SYT9: variants seen among roughly 807,000 people sequenced by gnomAD.
SYT9 encodes the protein synaptotagmin 9.
In SYT9, 22 loss-of-function variants were observed where a neutral mutation model predicts 48.4. That is an observed-to-expected ratio of 0.45 (90% confidence interval 0.32 to 0.65). The LOEUF (loss-of-function observed/expected upper bound fraction) is 0.65, where lower values mean the gene tolerates loss of function less well. Ranked by LOEUF, SYT9 falls within the 30% of genes least tolerant of loss-of-function variation. The pLI is 0.03. For missense variants in SYT9, 577 were observed against 622.0 expected, an observed-to-expected ratio of 0.93 and a Z score of 0.77; for synonymous variants, 265 against 245.0, an observed-to-expected ratio of 1.08 and a Z score of -0.76.
chr11:7,308,375 A>T (rs1303011015), intron 2 of SYT9, among the ~76,000 whole-genome samples: 1 of 152,152 alleles, frequency 6.6e-6, no homozygotes. Flanking sequence ...ATTAGGGTGC[A>T]CTTGTTCATG....
intron 6 of SYT9, among the ~76,000 whole-genome samples, chr11:7,451,172 A>G (rs996368373): frequency 7.9e-5 from 12 of 152,242 alleles, no homozygotes; most frequent in Non-Finnish European, 1.6e-4. Context: ...CAAAATAACC[A>G]TAATTTCTAA....
In SYT9 at chr11:7,313,473, G is replaced by T. The variant is rs1849178982; in HGVS notation, c.576G>T (p.Leu192Phe). ...NIQQLQKQEQ[L>F]TGIGRIKPEL... ...AGCAGCTTCAAAAACAGGAACAGTT[G>T]ACTGGAATTGGTAGAATTAAACCAG... The change falls in exon 3 of 7, where the codon TTG (leucine) becomes TTT (phenylalanine). Residue 192 changes from leucine (L) to phenylalanine (F), a missense_variant. Physicochemically the swap from Leu to Phe is conservative, Grantham distance 22. Coordinates refer to ENST00000318881, the MANE Select transcript of SYT9 (RefSeq NM_175733.4). 5.0e-6 allele frequency: 8 copies of T among 1,613,998 alleles called. No individual in the cohort carries two copies. The highest frequency in any genetic ancestry group is 1.1e-5 in the South Asian group (1 of 91,030).
chr11:7,306,747 C>A (rs956432637), intron 2 of SYT9, among the ~76,000 whole-genome samples: 1 of 152,180 alleles, frequency 6.6e-6, no homozygotes, highest in South Asian at 2.1e-4. Flanking sequence ...TTCTGTCCCC[C>A]ACTCCTTCCC....
rs143505362 is a variant in SYT9 at position 7,464,266 on chromosome 11, G to A, written c.1468-2526G>A. Among the ~76,000 whole-genome samples, 47 of 152,336 alleles carry A rather than the reference G, an allele frequency of 3.1e-4. No individual in the cohort carries two copies. In the Middle Eastern group the frequency reaches 0.02, roughly 66 times the overall value. On this transcript the variant is annotated intron_variant, in intron 6 of 6. Transcript: ENST00000318881. ...AAACCATAAGTGGGATGTGGCACCTGCTGTATGCTACTAGTTTGGACTAGG... is the reference window on the plus strand; with the variant it reads ...AAACCATAAGTGGGATGTGGCACCTACTGTATGCTACTAGTTTGGACTAGG...
At chr11:7,401,733 A>G (rs1449182411) in intron 3 of SYT9, among the ~76,000 whole-genome samples, 1 of 151,710 alleles carries the variant, frequency 6.6e-6, no homozygotes, top group East Asian at 1.9e-4. Context: ...AGATTTACAG[A>G]CTTCCATTTT....
rs534248612 is a variant in SYT9, at chr11:7,415,429, G to A, written c.1045-613G>A. Among the ~76,000 whole-genome samples the A allele has an allele frequency of 5.3e-5, 8 of 152,216 alleles. No individual in the cohort carries two copies. The South Asian group carries it at 8.3e-4, about 16-fold the overall frequency. ...TGCTGAGCTCTGTGGCATGGGGATC[G>A]CGTGTGGGAGATTGGAGGTATGCAG... On this transcript the variant is annotated intron_variant, in intron 3 of 6. Coordinates refer to ENST00000318881, the MANE Select transcript of SYT9 (RefSeq NM_175733.4).
chr11:7,387,862 C>T (rs1850691109), intron 3 of SYT9, among the ~76,000 whole-genome samples: 1 of 152,078 alleles, frequency 6.6e-6, no homozygotes, highest in Admixed American at 6.6e-5. Context: ...AACGTGAAAA[C>T]ATGTATGTTT....
intron 3 of SYT9, among the ~76,000 whole-genome samples, chr11:7,404,100 TTATTAG>T (rs1410022898): frequency 6.6e-6 from 1 of 152,154 alleles, no homozygotes; most frequent in African/African-American, 2.4e-5. Context: ...AGATATATTT[TTATTAG>T]TATTAGTATG....
chr11:7,414,644 C>G lies in SYT9; in HGVS notation c.1045-1398C>G, dbSNP rs142893280. ...TCATGGCTCCAGGAACCAGCAAAGCCTAGCTTGCAAGGAGAGGTCATTTAT... is the reference window on the plus strand; with the variant it reads ...TCATGGCTCCAGGAACCAGCAAAGCGTAGCTTGCAAGGAGAGGTCATTTAT... On this transcript the variant is annotated intron_variant, in intron 3 of 6. Coordinates refer to ENST00000318881, the MANE Select transcript of SYT9 (RefSeq NM_175733.4). Among the ~76,000 whole-genome samples the G allele has an allele frequency of 9.4e-5, 14 of 149,216 alleles. No individual in the cohort carries two copies. The East Asian group carries it at 2.7e-3, about 29-fold the overall frequency.
chr11:7,253,715 C>G (rs1352469538), intron 1 of SYT9, among the ~76,000 whole-genome samples: 1 of 152,174 alleles, frequency 6.6e-6, no homozygotes, highest in Non-Finnish European at 1.5e-5. Flanking sequence ...CCAGTGGTTT[C>G]CAGGGAGGTT....
At chr11:7,288,270 A>C (rs1416050045) in intron 1 of SYT9, among the ~76,000 whole-genome samples, 1 of 134,626 alleles carries the variant, frequency 7.4e-6, no homozygotes, top group East Asian at 2.2e-4. Context: ...TGGTAAAACT[A>C]TGGCATTATA....
At chr11:7,398,632 G>A (rs575886925) in intron 3 of SYT9, among the ~76,000 whole-genome samples, 5 of 151,956 alleles carry the variant, frequency 3.3e-5, no homozygotes, top group Admixed American at 1.3e-4. Context: ...GGACAGTCTC[G>A]ATTACAGTTT....
intron 6 of SYT9, among the ~76,000 whole-genome samples, chr11:7,441,960 C>T (rs935938519): frequency 1.3e-5 from 2 of 152,212 alleles, no homozygotes; most frequent in Admixed American, 6.5e-5. Context: ...CACAGGCACC[C>T]TGTTTCTTCT....
intron 3 of SYT9, among the ~76,000 whole-genome samples, chr11:7,375,557 G>A (rs551624553): frequency 1.3e-5 from 2 of 152,138 alleles, no homozygotes; most frequent in East Asian, 1.9e-4. Context: ...AGCATAGAAT[G>A]TTTTTCCATT....
chr11:7,441,906 TC>T (rs1465123488), intron 6 of SYT9, among the ~76,000 whole-genome samples: 2 of 151,870 alleles, frequency 1.3e-5, no homozygotes, highest in East Asian at 3.9e-4. Context: ...CATCCCCTTC[TC>T]CCCTGGCAAT....
At chr11:7,412,496 G>A (rs140493433) in intron 3 of SYT9, among the ~76,000 whole-genome samples, 6 of 152,284 alleles carry the variant, frequency 3.9e-5, no homozygotes, top group Admixed American at 2.0e-4. Context: ...TTAGGGTGTG[G>A]TTATTAGTGG....
intron 1 of SYT9, among the ~76,000 whole-genome samples, chr11:7,242,815 G>T (rs1321833725): frequency 1.3e-5 from 2 of 152,150 alleles, no homozygotes; most frequent in Admixed American, 1.3e-4. Context: ...GGAGGCTAAG[G>T]CGTGAGAATC....
rs117018373 is a variant in SYT9 at position 7,448,320 on chromosome 11, G to T, written c.1468-18472G>T. Among the ~76,000 whole-genome samples, 11 of 152,356 alleles carry T rather than the reference G, an allele frequency of 7.2e-5. No individual in the cohort carries two copies. The East Asian group carries it at 2.1e-3, about 29-fold the overall frequency. ...TTACAGTGAGAGGGCGCCACACTCAGGTGCAGGGATCTGGCTTGAGACTTG... is the reference window on the plus strand; with the variant it reads ...TTACAGTGAGAGGGCGCCACACTCATGTGCAGGGATCTGGCTTGAGACTTG... On this transcript the variant is annotated intron_variant, in intron 6 of 6. Coordinates refer to ENST00000318881, the MANE Select transcript of SYT9 (RefSeq NM_175733.4).
At chr11:7,277,914 A>G (rs1265232295) in intron 1 of SYT9, among the ~76,000 whole-genome samples, 1 of 152,238 alleles carries the variant, frequency 6.6e-6, no homozygotes, top group Non-Finnish European at 1.5e-5. Context: ...GATGGCAGAG[A>G]AAATGAAGTG....
Sources: gnomAD v4.1 joint callset for allele counts (sites outside exome capture counted in the v4.1 genomes callset) on GRCh38, gnomAD v4.1.1 for gene constraint, MANE v1.5 for transcripts, NCBI Gene and HGNC (gene_info 2026-07-23, HGNC 2026-07-21) for gene names.